The following TXNRD1 variants were observed in gnomAD, a reference collection of about 807,000 sequenced individuals.
TXNRD1 encodes thioredoxin reductase 1, cytoplasmic.
TXNRD1 carries 57 observed loss-of-function variants against 80.3 expected under a neutral mutation model. The observed-to-expected ratio is 0.71, with a 90% CI of 0.57 to 0.89. TXNRD1 has a LOEUF of 0.89. Among genes scored for constraint, TXNRD1 ranks in the 40% least tolerant of loss-of-function variants. The pLI is 0.00. For missense variants in TXNRD1, 730 were observed against 803.0 expected (o/e 0.91, Z 1.10); for synonymous variants, 291 against 285.2 (o/e 1.02, Z -0.20).
chr12:104,270,631 T>C (rs1012313623), intron 3 of TXNRD1, among the ~76,000 whole-genome samples: 3 of 152,278 alleles, frequency 2.0e-5, no homozygotes, highest in Non-Finnish European at 4.4e-5. Context: ...GTTTAAATCA[T>C]AAGTATAGAA....
chr12:104,224,916 G>C (rs1347237864), intron 1 of TXNRD1: 3 of 456,528 alleles, frequency 6.6e-6, no homozygotes, highest in African/African-American at 6.0e-5. Context: ...AATTGCCATT[G>C]TTATGAGGGT....
chr12:104,266,830 C>T (rs2033499794), intron 3 of TXNRD1, among the ~76,000 whole-genome samples: 2 of 152,062 alleles, frequency 1.3e-5, no homozygotes, highest in Non-Finnish European at 2.9e-5. Flanking sequence ...GGCGTGTTGG[C>T]GGGCACCTGT....
chr12:104,337,044 A>G, intron 15 of TXNRD1, among the ~76,000 whole-genome samples: 1 of 151,980 alleles, frequency 6.6e-6, no homozygotes, highest in East Asian at 1.9e-4. Flanking sequence ...CCTATTTATG[A>G]ATGCATACAC....
At chr12:104,347,803 A>G (rs991229215) in intron 16 of TXNRD1, among the ~76,000 whole-genome samples, 20 of 152,354 alleles carry the variant, frequency 1.3e-4, no homozygotes, top group African/African-American at 4.6e-4. Flanking sequence ...TCAGTGAAAA[A>G]AATGGAAGAA....
chr12:104,252,734 G>A (rs1476472066), intron 2 of TXNRD1, among the ~76,000 whole-genome samples: 1 of 100,134 alleles, frequency 1.0e-5, no homozygotes, highest in Admixed American at 1.6e-4. Flanking sequence ...ACGGAGTCTC[G>A]CTCTGTTGCC....
intron 1 of TXNRD1, among the ~76,000 whole-genome samples, chr12:104,239,117 T>C (rs1456923862): frequency 1.3e-5 from 2 of 151,934 alleles, no homozygotes; most frequent in Non-Finnish European, 2.9e-5. Context: ...TGTGAAAAAT[T>C]GCTGATAATT....
At chr12:104,256,560 C>T (rs2033252716) in intron 2 of TXNRD1, among the ~76,000 whole-genome samples, 1 of 151,980 alleles carries the variant, frequency 6.6e-6, no homozygotes, top group Non-Finnish European at 1.5e-5. Context: ...GTGGGCAGAT[C>T]ACGAGGTCAG....
chr12:104,232,052 C>T (rs1255549383), intron 1 of TXNRD1, among the ~76,000 whole-genome samples: 5 of 152,186 alleles, frequency 3.3e-5, no homozygotes. Flanking sequence ...TAGTCTTATA[C>T]TTGGCCTGAT....
At chr12:104,273,623 A>G (rs1230347249) in intron 3 of TXNRD1, among the ~76,000 whole-genome samples, 11 of 152,026 alleles carry the variant, frequency 7.2e-5, no homozygotes, top group Admixed American at 7.2e-4. Context: ...AACAGAAAAA[A>G]ACAAGAATGC....
intron 3 of TXNRD1, among the ~76,000 whole-genome samples, chr12:104,274,008 T>C (rs1345325331): frequency 6.6e-6 from 1 of 151,646 alleles, no homozygotes; most frequent in East Asian, 1.9e-4. Flanking sequence ...GCCGAGATAG[T>C]GACACTGCAC....
At chr12:104,297,722 A>T (rs1337391147) in intron 4 of TXNRD1, among the ~76,000 whole-genome samples, 1 of 152,120 alleles carries the variant, frequency 6.6e-6, no homozygotes, top group Non-Finnish European at 1.5e-5. Context: ...CATCTGATAG[A>T]CTTCTGTTAC....
chr12:104,290,641 A>G (rs1357340381), intron 4 of TXNRD1, among the ~76,000 whole-genome samples: 3 of 146,352 alleles, frequency 2.0e-5, no homozygotes, highest in Admixed American at 6.9e-5. Flanking sequence ...GGAGGTTGCA[A>G]TGAGCTGAGA....
At chr12:104,257,506 A>C (rs1274327919) in intron 2 of TXNRD1, among the ~76,000 whole-genome samples, 1 of 150,012 alleles carries the variant, frequency 6.7e-6, no homozygotes, top group Non-Finnish European at 1.5e-5. Flanking sequence ...TCCTGAGTTC[A>C]AGTGATTCTC....
At chr12:104,239,972 C>T (rs1245948570) in intron 1 of TXNRD1, among the ~76,000 whole-genome samples, 1 of 152,136 alleles carries the variant, frequency 6.6e-6, no homozygotes, top group Non-Finnish European at 1.5e-5. Context: ...TTATATATTG[C>T]TGGATTCAAT....
intron 1 of TXNRD1, among the ~76,000 whole-genome samples, chr12:104,231,389 T>G (rs2032618603): frequency 6.6e-6 from 1 of 152,078 alleles, no homozygotes; most frequent in African/African-American, 2.4e-5. Flanking sequence ...GCATTTGGAG[T>G]TGGATTGCTT....
chr12:104,216,226 C>T (rs896484300), intron 1 of TXNRD1, among the ~76,000 whole-genome samples: 3 of 152,218 alleles, frequency 2.0e-5, no homozygotes, highest in African/African-American at 7.2e-5. Context: ...TCGCTCAGGG[C>T]CCGTTAGGGC....
chr12:104,280,786 A>G (rs1173143546), intron 3 of TXNRD1: 1 of 152,130 alleles, frequency 6.6e-6, no homozygotes, highest in African/African-American at 2.4e-5. Context: ...TTGCCACATC[A>G]ATGCCTGCTT....
chr12:104,312,351 T>C (rs1487467552), intron 5 of TXNRD1, among the ~76,000 whole-genome samples: 2 of 152,206 alleles, frequency 1.3e-5, no homozygotes, highest in African/African-American at 4.8e-5. Context: ...TGAGGACCCC[T>C]TGGGCCTGTC....
intron 4 of TXNRD1, chr12:104,305,149 A>G: frequency 2.1e-6 from 1 of 482,838 alleles, no homozygotes; most frequent in Non-Finnish European, 3.6e-6. Context: ...TATTTATGGG[A>G]ACGTTTTATT....
Sources: gnomAD v4.1 joint callset for allele counts (sites outside exome capture counted in the v4.1 genomes callset) on GRCh38, gnomAD v4.1.1 for gene constraint, MANE v1.5 for transcripts, NCBI Gene and HGNC (gene_info 2026-07-23, HGNC 2026-07-21) for gene names.